SORCS2: variants seen among roughly 807,000 people sequenced by gnomAD.
SORCS2 encodes VPS10 domain-containing receptor SorCS2.
A neutral mutation model predicts 141.6 loss-of-function variants in SORCS2; 100 were observed. The observed-to-expected ratio is 0.71, with a 90% CI of 0.60 to 0.83. The LOEUF is 0.83. Among genes scored for constraint, SORCS2 ranks in the 40% least tolerant of loss-of-function variants. The pLI is 0.00. For missense variants in SORCS2, 1,646 were observed against 1,560.2 expected, an observed-to-expected ratio of 1.05 and a Z score of -0.93; for synonymous variants, 789 against 676.9, an observed-to-expected ratio of 1.17 and a Z score of -2.57.
At chr4:7,725,871 G>C in intron 20 of SORCS2, among the ~76,000 whole-genome samples, 1 of 152,236 alleles carries the variant, frequency 6.6e-6, no homozygotes, top group Non-Finnish European at 1.5e-5. Flanking sequence ...TGACGGCCCT[G>C]ACACAGAGCC....
intron 1 of SORCS2, among the ~76,000 whole-genome samples, chr4:7,199,751 C>A (rs539636898): frequency 5.3e-5 from 8 of 152,172 alleles, no homozygotes; most frequent in South Asian, 2.1e-4. Flanking sequence ...ACAGATGAGA[C>A]CTTGACTGTG....
chr4:7,220,733 C>T (rs1039841334), intron 1 of SORCS2, among the ~76,000 whole-genome samples: 2 of 152,132 alleles, frequency 1.3e-5, no homozygotes, highest in Admixed American at 1.3e-4. Context: ...GGGGTGGCCT[C>T]TCCAGGTGCG....
chr4:7,523,254 C>T (rs564533907), intron 2 of SORCS2, among the ~76,000 whole-genome samples: 1 of 152,274 alleles, frequency 6.6e-6, no homozygotes, highest in East Asian at 1.9e-4. Context: ...TACAGGAATT[C>T]GATCCACGAG....
At chr4:7,510,786 C>A (rs1245340638) in intron 2 of SORCS2, among the ~76,000 whole-genome samples, 1 of 152,258 alleles carries the variant, frequency 6.6e-6, no homozygotes, top group Non-Finnish European at 1.5e-5. Flanking sequence ...CTTGCGCATC[C>A]AGGTCTCTGC....
chr4:7,554,618 T>G (rs1713969011), intron 3 of SORCS2, among the ~76,000 whole-genome samples: 1 of 152,104 alleles, frequency 6.6e-6, no homozygotes, highest in African/African-American at 2.4e-5. Context: ...GTAGGTAGAA[T>G]GATGAAAAAG....
intron 1 of SORCS2, among the ~76,000 whole-genome samples, chr4:7,379,270 G>T (rs990056328): frequency 1.3e-5 from 2 of 152,172 alleles, no homozygotes; most frequent in African/African-American, 2.4e-5. Flanking sequence ...AAGAGTTGGG[G>T]CATCCTGAGC....
At chr4:7,655,938 G>A (rs533843526) in intron 5 of SORCS2, among the ~76,000 whole-genome samples, 36 of 152,346 alleles carry the variant, frequency 2.4e-4, no homozygotes, top group African/African-American at 8.7e-4. Context: ...ATTATCTCAG[G>A]CAAATCAAAT....
At chr4:7,546,057 C>T (rs749129437) in intron 3 of SORCS2, among the ~76,000 whole-genome samples, 73 of 151,964 alleles carry the variant, frequency 4.8e-4, no homozygotes, top group Non-Finnish European at 7.6e-4. Flanking sequence ...ACAAGGGCTC[C>T]ACCCTCATGA....
chr4:7,599,948 C>CCTGT (rs1717548181), intron 3 of SORCS2, among the ~76,000 whole-genome samples: 1 of 151,902 alleles, frequency 6.6e-6, no homozygotes, highest in Non-Finnish European at 1.5e-5. Context: ...CTCAGCCTCC[C>CCTGT]AAGGAGCTGG....
intron 1 of SORCS2, among the ~76,000 whole-genome samples, chr4:7,208,201 C>G (rs871742): frequency 0.079 from 12,053 of 152,084 alleles, 558 homozygotes; most frequent in African/African-American, 0.13. Flanking sequence ...GCAGAAGGGG[C>G]TTGGTGCTGG....
intron 1 of SORCS2, among the ~76,000 whole-genome samples, chr4:7,277,794 G>C (rs1159142548): frequency 6.6e-6 from 1 of 152,190 alleles, no homozygotes; most frequent in African/African-American, 2.4e-5. Context: ...AGAGCGCTGG[G>C]TGCAGACATT....
intron 2 of SORCS2, chr4:7,459,934 G>A (rs73212545): frequency 0.15 from 23,257 of 153,986 alleles, 1,909 homozygotes; most frequent in African/African-American, 0.2. Context: ...GGGAGCATTG[G>A]CAGAGTGGGT....
At chr4:7,404,273 C>G (rs1318528864) in intron 2 of SORCS2, among the ~76,000 whole-genome samples, 1 of 152,032 alleles carries the variant, frequency 6.6e-6, no homozygotes, top group Non-Finnish European at 1.5e-5. Flanking sequence ...GATTCCACAT[C>G]TTTTCTATTG....
chr4:7,718,278 C>G, intron 18 of SORCS2, 95 bp downstream of exon 18: 1 of 1,411,538 alleles, frequency 7.1e-7, no homozygotes, highest in Non-Finnish European at 9.5e-7. Context: ...TCTCCTCCAC[C>G]TAGAAGTGGC....
intron 1 of SORCS2, among the ~76,000 whole-genome samples, chr4:7,338,435 GATGGATGGATGA>G (rs1720160085): frequency 6.6e-6 from 1 of 151,876 alleles, no homozygotes; most frequent in South Asian, 2.1e-4. Flanking sequence ...TGGATGGATG[GATGGATGGATGA>G]ATGGCCTGCC....
Sources: gnomAD v4.1 joint callset for allele counts (sites outside exome capture counted in the v4.1 genomes callset) on GRCh38, gnomAD v4.1.1 for gene constraint, MANE v1.5 for transcripts, NCBI Gene and HGNC (gene_info 2026-07-23, HGNC 2026-07-21) for gene names.